Variants in NDST4 observed in about 807,000 individuals in gnomAD.
NDST4 encodes N-heparan sulfate sulfotransferase 4.
Under a neutral mutation model 100.8 loss-of-function variants are expected in NDST4, and 63 were observed. The observed-to-expected ratio is 0.62, with a 90% CI of 0.51 to 0.77. The LOEUF is 0.77. NDST4 is among the 30% of genes least tolerant of loss of function. The pLI, the probability that NDST4 is intolerant of heterozygous loss-of-function variation, is 0.00. For missense variants in NDST4, 943 were observed against 1,018.4 expected (o/e 0.93, Z 1.01); for synonymous variants, 377 against 361.8 (o/e 1.04, Z -0.48).
intron 7 of NDST4, among the ~76,000 whole-genome samples, chr4:114,860,259 T>C (rs1442997248): frequency 6.6e-6 from 1 of 152,216 alleles, no homozygotes; most frequent in African/African-American, 2.4e-5. Context: ...TATTTAGTAT[T>C]CCATCTCATA....
intron 11 of NDST4, among the ~76,000 whole-genome samples, chr4:114,835,110 C>T (rs1366208796): frequency 1.3e-5 from 2 of 151,996 alleles, no homozygotes; most frequent in African/African-American, 4.8e-5. Flanking sequence ...TGTCTATCTC[C>T]TTCAGTTCTG....
intron 2 of NDST4, among the ~76,000 whole-genome samples, chr4:114,979,109 C>T (rs1232351316): frequency 4.0e-5 from 6 of 151,788 alleles, no homozygotes; most frequent in African/African-American, 1.5e-4. Context: ...CTCCCACCTC[C>T]TACATTTCCC....
chr4:115,058,389 T>C (rs1728747286), intron 2 of NDST4, among the ~76,000 whole-genome samples: 1 of 152,192 alleles, frequency 6.6e-6, no homozygotes, highest in Non-Finnish European at 1.5e-5. Context: ...ACAATTTTTG[T>C]AATGGGTTTA....
At chr4:115,048,542 A>C (rs1378812526) in intron 2 of NDST4, among the ~76,000 whole-genome samples, 1 of 152,170 alleles carries the variant, frequency 6.6e-6, no homozygotes, top group Admixed American at 6.6e-5. Flanking sequence ...AGTCTACGAG[A>C]ATTTTTAAGG....
At chr4:114,942,179 CA>C (rs778416599) in intron 4 of NDST4, among the ~76,000 whole-genome samples, 13 of 152,208 alleles carry the variant, frequency 8.5e-5, no homozygotes, top group Non-Finnish European at 1.6e-4. Flanking sequence ...ATACCAAATG[CA>C]CATCAAAACA....
At chr4:114,913,731 GAAAAA>G (rs56189208) in intron 6 of NDST4, among the ~76,000 whole-genome samples, 1 of 125,948 alleles carries the variant, frequency 7.9e-6, no homozygotes, top group Non-Finnish European at 1.8e-5. Flanking sequence ...CTATCTCCAA[GAAAAA>G]AAAAAAAAAA....
chr4:115,076,963 C>T lies in NDST4; in HGVS notation c.74G>A (p.Ser25Asn), dbSNP rs200683588. The change falls in exon 2 of 14, where the codon AGC becomes AAC. Residue 25 changes from serine to asparagine, a missense_variant. Physicochemically the swap from Ser to Asn is conservative, Grantham distance 46. This residue lies in a region of NDST4 where 417 missense variants were observed against 384.2 expected (regional missense o/e 1.09). Transcript: ENST00000264363. ...GAGAAAATAGGCAGAAATGACAATG[C>T]TCACCAAGCAAAAGGTAGCTAAGAG... Reference protein sequence around the residue: ...IVLLATFCLVSIVISAYFLYS... With the variant: ...IVLLATFCLVNIVISAYFLYS... The T allele has an allele frequency of 1.7e-5, 27 of 1,613,432 alleles. No homozygotes were observed. In the East Asian group the frequency reaches 2.9e-4, roughly 17 times the overall value.
chr4:115,025,990 G>C lies in NDST4; in HGVS notation c.979-48716C>G, dbSNP rs1254899835. 5.9e-5 allele frequency among the ~76,000 whole-genome samples: 9 copies of C among 152,036 alleles called. No individual in the cohort carries two copies. In the South Asian group the frequency reaches 1.9e-3, roughly 32 times the overall value. On this transcript the variant is annotated intron_variant, in intron 2 of 13. Coordinates refer to ENST00000264363, the MANE Select transcript of NDST4 (RefSeq NM_022569.3). The stretch of plus-strand genomic sequence containing the variant: ...GTATAGCCGTTGAACTAGTATTATA[G>C]TCCTAAAATTAATATTTATGATTTT...
chr4:115,052,216 C>T (rs766483037), intron 2 of NDST4, among the ~76,000 whole-genome samples: 1 of 152,042 alleles, frequency 6.6e-6, no homozygotes, highest in African/African-American at 2.4e-5. Context: ...TTTCTTTCAT[C>T]GGAATTTCTT....
intron 1 of NDST4, among the ~76,000 whole-genome samples, chr4:115,095,712 G>A (rs1729605479): frequency 2.0e-5 from 3 of 151,936 alleles, no homozygotes; most frequent in Admixed American, 2.0e-4. Context: ...AATAATTATT[G>A]GTAATAAAGA....
chr4:114,957,045 A>T (rs1726156893), intron 4 of NDST4, among the ~76,000 whole-genome samples: 1 of 152,222 alleles, frequency 6.6e-6, no homozygotes, highest in African/African-American at 2.4e-5. Context: ...GAAGACATAG[A>T]CAAAGGTATG....
intron 2 of NDST4, among the ~76,000 whole-genome samples, chr4:114,988,131 A>G (rs1726952218): frequency 6.6e-6 from 1 of 152,036 alleles, no homozygotes; most frequent in South Asian, 2.1e-4. Flanking sequence ...TATATTTAGA[A>G]TTAACAATTA....
At chr4:114,991,619 C>A (rs2126252025) in intron 2 of NDST4, among the ~76,000 whole-genome samples, 1 of 152,072 alleles carries the variant, frequency 6.6e-6, no homozygotes, top group South Asian at 2.1e-4. Flanking sequence ...GCAATGCATA[C>A]CTCTAGCCAC....
intron 1 of NDST4, among the ~76,000 whole-genome samples, chr4:115,088,821 C>T (rs1729458019): frequency 6.6e-6 from 1 of 151,992 alleles, no homozygotes; most frequent in East Asian, 1.9e-4. Flanking sequence ...CTAATCAGTT[C>T]TTATTCATTT....
intron 2 of NDST4, among the ~76,000 whole-genome samples, chr4:115,046,801 T>C (rs1245866335): frequency 6.6e-6 from 1 of 152,204 alleles, no homozygotes; most frequent in African/African-American, 2.4e-5. Flanking sequence ...GTATATCTTC[T>C]ATCTCTGAAA....
intron 7 of NDST4, among the ~76,000 whole-genome samples, chr4:114,869,432 A>G (rs975344919): frequency 2.6e-5 from 4 of 152,114 alleles, no homozygotes; most frequent in African/African-American, 7.2e-5. Context: ...TTGATTTACC[A>G]TCAATAATTT....
chr4:115,112,111 A>C (rs541346961), intron 1 of NDST4, among the ~76,000 whole-genome samples: 1 of 151,626 alleles, frequency 6.6e-6, no homozygotes, highest in Non-Finnish European at 1.5e-5. Flanking sequence ...ACTCATGCAC[A>C]CAAATGACCA....
intron 6 of NDST4, among the ~76,000 whole-genome samples, chr4:114,886,015 A>G (rs1399541882): frequency 1.3e-5 from 2 of 152,088 alleles, no homozygotes; most frequent in Non-Finnish European, 2.9e-5. Context: ...CATATTTGAG[A>G]CAATAGAGAG....
At chr4:114,864,257 A>C (rs1449364083) in intron 7 of NDST4, among the ~76,000 whole-genome samples, 3 of 152,192 alleles carry the variant, frequency 2.0e-5, no homozygotes, top group Admixed American at 2.0e-4. Context: ...TCATGATAGA[A>C]GGATTATTTT....
Sources: allele counts gnomAD v4.1 joint callset (sites outside exome capture counted in the v4.1 genomes callset), GRCh38; gene constraint gnomAD v4.1.1; regional missense constraint gnomAD v4.1.1; transcripts MANE v1.5; gene names NCBI Gene and HGNC (gene_info 2026-07-23, HGNC 2026-07-21).